SNTG2: variants seen among roughly 807,000 people sequenced by gnomAD.
The protein encoded by SNTG2 is syntrophin gamma 2.
In SNTG2, 74 loss-of-function variants were observed where a neutral mutation model predicts 70.9. The observed-to-expected ratio is 1.04, with a 90% CI of 0.86 to 1.27. The LOEUF is 1.27. SNTG2 is among the 50% of genes most tolerant of loss of function. The pLI, the probability that SNTG2 is intolerant of heterozygous loss-of-function variation, is 0.00. For synonymous variants in SNTG2, 278 were observed against 273.8 expected (o/e 1.02, Z -0.15); for missense variants, 717 against 690.7 (o/e 1.04, Z -0.43).
At chr2:1,081,732 C>G (rs1415985626) in intron 1 of SNTG2, among the ~76,000 whole-genome samples, 1 of 152,236 alleles carries the variant, frequency 6.6e-6, no homozygotes, top group Non-Finnish European at 1.5e-5. Context: ...CAGCACCCAC[C>G]CGGTCTGGCA....
intron 6 of SNTG2, chr2:1,158,311 T>C (rs1480581131): frequency 6.6e-6 from 1 of 151,900 alleles, no homozygotes; most frequent in African/African-American, 2.4e-5. Flanking sequence ...AAAATTATTA[T>C]TTTTTAAAAT....
chr2:1,299,903 A>G (rs1306986172), intron 14 of SNTG2, among the ~76,000 whole-genome samples: 1 of 152,212 alleles, frequency 6.6e-6, no homozygotes, highest in Non-Finnish European at 1.5e-5. Context: ...CAGGCATGCA[A>G]GAAGGGTGCC....
At chr2:1,152,604 GTA>G (rs1436222280) in intron 6 of SNTG2, among the ~76,000 whole-genome samples, 7 of 127,982 alleles carry the variant, frequency 5.5e-5, no homozygotes, top group Non-Finnish European at 6.3e-5. Context: ...GTGCATGTGT[GTA>G]TGTGTGCACA....
At chr2:1,254,022 A>G (rs1677908742) in intron 12 of SNTG2, among the ~76,000 whole-genome samples, 1 of 152,194 alleles carries the variant, frequency 6.6e-6, no homozygotes, top group African/African-American at 2.4e-5. Flanking sequence ...AACAGCACCA[A>G]AGGGCAAATC....
intron 2 of SNTG2, among the ~76,000 whole-genome samples, chr2:1,091,747 T>A (rs1019648691): frequency 1.3e-5 from 2 of 152,222 alleles, no homozygotes; most frequent in African/African-American, 4.8e-5. Flanking sequence ...ATTTAGGAGT[T>A]ATCATACACT....
At chr2:1,174,932 G>T (rs1671370491) in intron 8 of SNTG2, among the ~76,000 whole-genome samples, 1 of 152,012 alleles carries the variant, frequency 6.6e-6, no homozygotes, top group East Asian at 1.9e-4. Context: ...TAATATTTTG[G>T]TGGTAATGGG....
intron 1 of SNTG2, among the ~76,000 whole-genome samples, chr2:968,030 TA>T (rs11433187): frequency 0.011 from 1,560 of 145,134 alleles, 15 homozygotes; most frequent in Middle Eastern, 0.018. Flanking sequence ...GTCTCAAAAT[TA>T]AAAAAAAAAA....
At chr2:1,181,051 A>T (rs1284170800) in intron 8 of SNTG2, among the ~76,000 whole-genome samples, 2 of 151,856 alleles carry the variant, frequency 1.3e-5, no homozygotes, top group Admixed American at 6.6e-5. Flanking sequence ...GGAACATCAA[A>T]CTCTGGGGAC....
At chr2:1,188,223 A>C (rs1033952274) in intron 8 of SNTG2, among the ~76,000 whole-genome samples, 3 of 152,210 alleles carry the variant, frequency 2.0e-5, no homozygotes, top group African/African-American at 7.2e-5. Flanking sequence ...TATAATAGGT[A>C]TGCCTAGTAA....
intron 4 of SNTG2, among the ~76,000 whole-genome samples, chr2:1,128,017 A>G (rs1667803389): frequency 6.6e-6 from 1 of 152,148 alleles, no homozygotes; most frequent in Non-Finnish European, 1.5e-5. Flanking sequence ...GAGAGTGGGC[A>G]TCCTTGTTTT....
chr2:1,130,412 T>C (rs1667944906), intron 4 of SNTG2, among the ~76,000 whole-genome samples: 1 of 152,234 alleles, frequency 6.6e-6, no homozygotes, highest in South Asian at 2.1e-4. Flanking sequence ...ATTAATGATA[T>C]TTTACATAAT....
At position 1,247,383 on chromosome 2, in the gene SNTG2, C is replaced by T. The variant is rs768058163; in HGVS notation, c.945C>T (p.Thr315=). The part of the protein sequence containing the change: ...EKLQGADSSQ[T]FRPKFLALKG... ...TCCAAGGAGCTGACTCCTCTCAAACCTTCAGACCCAAGTTCCTAGCACTGA... is the reference window on the plus strand; with the variant it reads ...TCCAAGGAGCTGACTCCTCTCAAACTTTCAGACCCAAGTTCCTAGCACTGA... Residue 315 remains threonine, a synonymous_variant, in exon 12 of 17, where the codon ACC becomes ACT. Transcript: ENST00000308624. 1 of 1,613,964 alleles carries T rather than the reference C, an allele frequency of 6.2e-7. No individual in the cohort carries two copies. The highest frequency in any genetic ancestry group is 8.5e-7 in the Non-Finnish European group (1 of 1,179,886).
chr2:1,109,375 A>G (rs1221844098), intron 4 of SNTG2, among the ~76,000 whole-genome samples: 1 of 152,130 alleles, frequency 6.6e-6, no homozygotes, highest in Non-Finnish European at 1.5e-5. Flanking sequence ...AGGATGATGA[A>G]AACCACATGC....
chr2:1,136,598 T>C (rs1433586210), intron 4 of SNTG2, among the ~76,000 whole-genome samples: 1 of 152,228 alleles, frequency 6.6e-6, no homozygotes, highest in Non-Finnish European at 1.5e-5. Flanking sequence ...TGACAGTTAA[T>C]CTGTATATAG....
chr2:1,231,838 G>A (rs1239943725), intron 9 of SNTG2, among the ~76,000 whole-genome samples: 1 of 152,210 alleles, frequency 6.6e-6, no homozygotes, highest in Non-Finnish European at 1.5e-5. Context: ...ACACTCACGT[G>A]TGCCTACTGA....
intron 16 of SNTG2, among the ~76,000 whole-genome samples, chr2:1,356,790 C>T (rs1212458686): frequency 6.6e-6 from 1 of 152,136 alleles, no homozygotes. Flanking sequence ...TTAAGACTTA[C>T]AATTCATTAA....
At chr2:1,317,074 G>A (rs1681318894) in intron 16 of SNTG2, among the ~76,000 whole-genome samples, 1 of 94,426 alleles carries the variant, frequency 1.1e-5, no homozygotes. Context: ...GAGAAGGTTG[G>A]GATTCTGGAG....
intron 6 of SNTG2, among the ~76,000 whole-genome samples, chr2:1,145,534 A>C (rs978118488): frequency 2.4e-4 from 36 of 152,214 alleles, no homozygotes; most frequent in African/African-American, 7.7e-4. Flanking sequence ...ATTGGCCTAC[A>C]TCTATTAAAT....
Position 1,185,923 on chromosome 2 carries a change from C to A in SNTG2, c.591+12740C>A, listed in dbSNP as rs137973743. Among the ~76,000 whole-genome samples the A allele has an allele frequency of 2.9e-4, 44 of 152,302 alleles. 2 individuals carry two copies. Among genetic ancestry groups the A allele is most frequent in the African/African-American group, 1.0e-3 (43 of 41,568 alleles). On this transcript the variant is annotated intron_variant, in intron 8 of 16. Transcript: ENST00000308624. ...CTGAAAATGGATTTTTCTTTTCTAC[C>A]ACATGGATAGGCTGCAAATTTTCCA...
Sources: allele counts gnomAD v4.1 joint callset (sites outside exome capture counted in the v4.1 genomes callset), GRCh38; gene constraint gnomAD v4.1.1; transcripts MANE v1.5; gene names NCBI Gene and HGNC (gene_info 2026-07-23, HGNC 2026-07-21).